The following PRKN variants were observed in gnomAD, a reference collection of about 807,000 sequenced individuals.
PRKN encodes E3 ubiquitin-protein ligase parkin.
PRKN carries 56 observed loss-of-function variants against 59.5 expected under a neutral mutation model. The ratio of observed to expected loss-of-function variants is 0.94; its 90% CI spans 0.76 to 1.18. The LOEUF is 1.18. Among genes scored for constraint, PRKN ranks in the 50% most tolerant of loss-of-function variants. PRKN has a pLI of 0.00. For missense variants in PRKN, 657 were observed against 596.4 expected (o/e 1.10, Z -1.06); for synonymous variants, 250 against 222.1 (o/e 1.13, Z -1.12).
At chr6:161,449,630 T>C (rs1265688717) in intron 9 of PRKN, among the ~76,000 whole-genome samples, 1 of 152,040 alleles carries the variant, frequency 6.6e-6, no homozygotes, top group Non-Finnish European at 1.5e-5. Context: ...AGAAAAACTG[T>C]TTGGTAGTTG....
chr6:162,424,431 T>C (rs536912794), intron 2 of PRKN, among the ~76,000 whole-genome samples: 13 of 152,080 alleles, frequency 8.5e-5, no homozygotes, highest in Non-Finnish European at 1.9e-4. Flanking sequence ...TGACCAGTTG[T>C]AAGAAACGTA....
At chr6:162,188,693 T>C (rs1368622267) in intron 4 of PRKN, among the ~76,000 whole-genome samples, 2 of 149,572 alleles carry the variant, frequency 1.3e-5, no homozygotes, top group African/African-American at 2.6e-5. Context: ...GTAAGTTTAA[T>C]ACAGAAGGAA....
rs146656154 is a variant in PRKN at position 162,600,827 on chromosome 6, T to C, written c.7+126835A>G. On this transcript the variant is annotated intron_variant, in intron 1 of 11. Transcript: ENST00000366898. ...GCTTCCCCTTCGCCTTCCACCATAA[T>C]TGTAAGTTTCCTGAGGCCTCCCAAG... Among the ~76,000 whole-genome samples the C allele has an allele frequency of 8.5e-4, 129 of 152,284 alleles. No individual in the cohort carries two copies. The East Asian group carries it at 0.019, about 23-fold the overall frequency.
intron 4 of PRKN, among the ~76,000 whole-genome samples, chr6:162,058,900 C>T (rs1427568819): frequency 1.4e-5 from 2 of 146,908 alleles, no homozygotes. Flanking sequence ...TGCAGTGGGC[C>T]GAGATCACAC....
intron 2 of PRKN, among the ~76,000 whole-genome samples, chr6:162,349,222 C>CT (rs34396303): frequency 0.08 from 12,144 of 152,208 alleles, 1,002 homozygotes; most frequent in East Asian, 0.45. Flanking sequence ...AATCCTAGCA[C>CT]TTTGTGAGGC....
chr6:162,460,739 C>T (rs140406986), intron 1 of PRKN, among the ~76,000 whole-genome samples: 13 of 152,254 alleles, frequency 8.5e-5, no homozygotes, highest in African/African-American at 2.9e-4. Context: ...TGAGAAGAAA[C>T]TTACAAAATT....
chr6:161,368,145 G>A (rs1785283386), intron 10 of PRKN, among the ~76,000 whole-genome samples: 1 of 151,506 alleles, frequency 6.6e-6, no homozygotes, highest in Admixed American at 6.6e-5. Context: ...ACAGCTTGTG[G>A]CCAGGCGCAG....
Position 162,469,730 on chromosome 6 carries a change from GA to G in PRKN, c.8-26258del, listed in dbSNP as rs201246413. On this transcript the variant is annotated intron_variant, in intron 1 of 11. Coordinates refer to ENST00000366898, the MANE Select transcript of PRKN (RefSeq NM_004562.3). Reference sequence around the variant, plus strand: ...ACAGTGGACTCTGGGGACTCAACAGGAAAGGATGGGAAGGGGGTGAGGGATA... The same window carrying G: ...ACAGTGGACTCTGGGGACTCAACAGGAAGGATGGGAAGGGGGTGAGGGATA... Among the ~76,000 whole-genome samples, 465 of 152,154 alleles carry G rather than the reference GA, an allele frequency of 3.1e-3. 1 individual carries two copies. Among genetic ancestry groups the G allele is most frequent in the African/African-American group, 0.01 (429 of 41,550 alleles).
At chr6:161,585,289 G>A (rs376678860) in intron 7 of PRKN, among the ~76,000 whole-genome samples, 205 of 152,294 alleles carry the variant, frequency 1.3e-3, no homozygotes, top group Non-Finnish European at 1.5e-3. Context: ...ATATATGTGA[G>A]CTTTGGTTTT....
At chr6:162,623,541 G>C (rs1464127794) in intron 1 of PRKN, among the ~76,000 whole-genome samples, 1 of 152,128 alleles carries the variant, frequency 6.6e-6, no homozygotes, top group African/African-American at 2.4e-5. Context: ...TGAGAATAGA[G>C]ATAAATCATT....
rs779393072 is a variant in PRKN at position 161,429,349 on chromosome 6, C to T, written c.1084-42472G>A. 6.6e-6 allele frequency among the ~76,000 whole-genome samples: 1 copy of T among 152,052 alleles called. No homozygotes were observed. Among genetic ancestry groups the T allele is most frequent in the Non-Finnish European group, 1.5e-5 (1 of 68,018 alleles). The stretch of plus-strand genomic sequence containing the variant: ...CAGGGAGCTTATAGTCAGTCATGGG[C>T]AAGTAAACAGGTCATTATAACACAG... On this transcript the variant is annotated intron_variant, in intron 9 of 11. Coordinates refer to ENST00000366898, the MANE Select transcript of PRKN (RefSeq NM_004562.3). The surrounding 1 kb of genome is among the most constrained non-coding windows in gnomAD (Gnocchi z 4.2).
intron 4 of PRKN, among the ~76,000 whole-genome samples, chr6:162,141,175 T>G (rs1320888422): frequency 6.6e-6 from 1 of 151,916 alleles, no homozygotes. Flanking sequence ...AAAAAGATTA[T>G]TTATGATATA....
chr6:162,111,033 C>A (rs976102582), intron 4 of PRKN, among the ~76,000 whole-genome samples: 1 of 152,138 alleles, frequency 6.6e-6, no homozygotes, highest in Non-Finnish European at 1.5e-5. Context: ...GGCTTCACCT[C>A]AACCGGGAGA....
chr6:162,075,798 T>C (rs1325736316), intron 4 of PRKN, among the ~76,000 whole-genome samples: 1 of 152,032 alleles, frequency 6.6e-6, no homozygotes, highest in African/African-American at 2.4e-5. Flanking sequence ...TAAACACGTA[T>C]GTAACGAGCA....
At chr6:162,397,280 C>T (rs768971580) in intron 2 of PRKN, among the ~76,000 whole-genome samples, 4 of 152,082 alleles carry the variant, frequency 2.6e-5, no homozygotes, top group African/African-American at 4.8e-5. Context: ...GAAGCAAACT[C>T]GGGAATATCA....
rs1410171296 is a variant in PRKN at position 162,498,405 on chromosome 6, T to TTTTTTTC, written c.8-54933_8-54932insGAAAAAA. ...TTTTCTTTCTTTCCTTTTTTTTTTT[T>TTTTTTTC]TTTTTTTTTTGAGATGGAGTTTCTT... is the stretch of plus-strand genomic sequence containing the variant. On this transcript the variant is annotated intron_variant, in intron 1 of 11. Transcript: ENST00000366898. Among the ~76,000 whole-genome samples, 15 of 112,766 alleles carry TTTTTTTC rather than the reference T, an allele frequency of 1.3e-4. 1 individual carries two copies. The highest frequency in any genetic ancestry group is 1.6e-4 in the Non-Finnish European group (8 of 50,742). 74.0% of individuals were successfully genotyped at this position (112,766 alleles called of 152,430 possible). A position where few individuals can be genotyped will look rare whatever the true frequency, so the allele number is the denominator to read the frequency against.
At chr6:162,372,396 C>G (rs140522853) in intron 2 of PRKN, among the ~76,000 whole-genome samples, 89 of 152,238 alleles carry the variant, frequency 5.8e-4, no homozygotes, top group Non-Finnish European at 1.1e-3. Flanking sequence ...CCATTCACGG[C>G]GCTGAGTTTA....
intron 2 of PRKN, among the ~76,000 whole-genome samples, chr6:162,356,329 G>A (rs566218267): frequency 2.5e-4 from 38 of 151,614 alleles, no homozygotes; most frequent in African/African-American, 7.5e-4. Flanking sequence ...TTTCATAGCC[G>A]TCCCCCCACC....
intron 7 of PRKN, among the ~76,000 whole-genome samples, chr6:161,646,516 G>T (rs1165456253): frequency 3.6e-5 from 5 of 138,808 alleles, no homozygotes; most frequent in Admixed American, 3.6e-4. Flanking sequence ...GCGTATGAGT[G>T]ACAGTGGTGA....
Sources: gnomAD v4.1 joint callset for allele counts (sites outside exome capture counted in the v4.1 genomes callset) on GRCh38, gnomAD v4.1.1 for gene constraint, Gnocchi (gnomAD v3.1) non-coding constraint, MANE v1.5 for transcripts, NCBI Gene and HGNC (gene_info 2026-07-23, HGNC 2026-07-21) for gene names.